HOXA11: variants seen among roughly 807,000 people sequenced by gnomAD.
HOXA11 encodes homeobox A11.
HOXA11 carries 8 observed loss-of-function variants against 22.5 expected under a neutral mutation model. The ratio of observed to expected loss-of-function variants is 0.36; its 90% CI spans 0.21 to 0.64. The LOEUF (loss-of-function observed/expected upper bound fraction) is 0.64, where lower values mean the gene tolerates loss of function less well. HOXA11 is among the 30% of genes least tolerant of loss of function. The pLI is 0.67. For synonymous variants in HOXA11, 211 were observed against 188.4 expected, an observed-to-expected ratio of 1.12 and a Z score of -0.98; for missense variants, 388 against 429.0, an observed-to-expected ratio of 0.90 and a Z score of 0.84.
chr7:27,182,769 C>A lies in HOXA11; in HGVS notation c.*27G>T, dbSNP rs868538518. On this transcript the variant is annotated 3_prime_UTR_variant, in exon 2 of 2. Transcript: ENST00000006015. Reference sequence around the variant, plus strand: ...CATATTATCTCATGTGTATGAAGCCCCCCACCCAATTCCAGCCGCTGGAGT... The same window carrying A: ...CATATTATCTCATGTGTATGAAGCCACCCACCCAATTCCAGCCGCTGGAGT... 2 of 1,384,468 alleles carry A rather than the reference C, an allele frequency of 1.4e-6. No homozygotes were observed. 85.8% of individuals were successfully genotyped at this position (1,384,468 alleles called of 1,614,324 possible). A position where few individuals can be genotyped will look rare whatever the true frequency, so the allele number is the denominator to read the frequency against.
chr7:27,181,496 A>C lies in HOXA11; in HGVS notation c.*1300T>G, dbSNP rs953771620. The C allele has an allele frequency of 1.0e-5, 2 of 195,826 alleles. No homozygotes were observed. The highest frequency in any genetic ancestry group is 2.1e-5 in the Non-Finnish European group (2 of 93,876). The allele number at this position is 195,826 out of a possible 1,614,324, so 12.1% of individuals were successfully genotyped here. On this transcript the variant is annotated 3_prime_UTR_variant, in exon 2 of 2. Transcript: ENST00000006015. Reference sequence around the variant, plus strand: ...TAATGGCAAAAGAAAAAAGAAAAAGAGAAAGAAAGAAAAGAAAATTGATTA... The same window carrying C: ...TAATGGCAAAAGAAAAAAGAAAAAGCGAAAGAAAGAAAAGAAAATTGATTA...
In HOXA11 at chr7:27,182,286, G is replaced by A. The variant is rs1478845831; in HGVS notation, c.*510C>T. 1 of 265,026 alleles carries A rather than the reference G, an allele frequency of 3.8e-6. No individual in the cohort carries two copies. The highest frequency in any genetic ancestry group is 7.3e-6 in the Non-Finnish European group (1 of 136,274). The allele number at this position is 265,026 out of a possible 1,614,324, so 16.4% of individuals were successfully genotyped here. A position where few individuals can be genotyped will look rare whatever the true frequency, so the allele number is the denominator to read the frequency against. On this transcript the variant is annotated 3_prime_UTR_variant, in exon 2 of 2. Transcript: ENST00000006015. The stretch of plus-strand genomic sequence containing the variant: ...TCTTCCACCTCAAAGCTACCTCCAA[G>A]TCCAGCCGCTGTTCACATTGGCTTT...
rs142922642 is a variant in HOXA11, at chr7:27,181,904, G to A, written c.*892C>T. On this transcript the variant is annotated 3_prime_UTR_variant, in exon 2 of 2. Coordinates refer to ENST00000006015, the MANE Select transcript of HOXA11 (RefSeq NM_005523.6). ...ACCTGCTGGCCAGGCCCACTGCTCT[G>A]CAGCCAGACACTGAGCAAATCCAAG... 9.6e-4 allele frequency: 215 copies of A among 223,558 alleles called. 1 individual carries two copies. Among genetic ancestry groups the A allele is most frequent in the Non-Finnish European group, 1.6e-3 (176 of 111,864 alleles). 13.8% of individuals were successfully genotyped at this position (223,558 alleles called of 1,614,324 possible).
Position 27,184,973 on chromosome 7 carries a change from G to T in HOXA11, c.172C>A (p.Arg58Ser), listed in dbSNP as rs753738371. ...SSNLPQVQPV[R>S]EVTFREYAIE... Reference sequence around the variant, plus strand: ...GCGTACTCTCTGAAGGTCACTTCGCGCACGGGTTGGACCTGGGGCAGGTTG... The same window carrying T: ...GCGTACTCTCTGAAGGTCACTTCGCTCACGGGTTGGACCTGGGGCAGGTTG... Residue 58 changes from arginine (R) to serine (S), a missense_variant, in exon 1 of 2, where the codon CGC (arginine) becomes AGC (serine). Arg to Ser is a moderately radical substitution (Grantham distance 110). Transcript: ENST00000006015. 1 of 1,613,972 alleles carries T rather than the reference G, an allele frequency of 6.2e-7. No individual in the cohort carries two copies. The highest frequency in any genetic ancestry group is 2.2e-5 in the East Asian group (1 of 44,862).
At position 27,182,143 on chromosome 7, in the gene HOXA11, A is replaced by T; in HGVS notation, c.*653T>A. 4.2e-6 allele frequency: 1 copy of T among 236,794 alleles called. No individual in the cohort carries two copies. The highest frequency in any genetic ancestry group is 1.7e-4 in the South Asian group (1 of 5,774). 14.7% of individuals were successfully genotyped at this position (236,794 alleles called of 1,614,324 possible). The stretch of plus-strand genomic sequence containing the variant: ...TAGAAAGAAAAGCCAGGTGGGCTGT[A>T]GGAGGCGGTGGCTAGGAACTCAGGG... On this transcript the variant is annotated 3_prime_UTR_variant, in exon 2 of 2. Transcript: ENST00000006015.
At position 27,182,931 on chromosome 7, in the gene HOXA11, C is replaced by G; in HGVS notation, c.807G>C (p.Glu269Asp). ...EFFFSVYINK[E>D]KRLQLSRMLN... ...GCATGCGGGACAGTTGCAGGCGCTT[C>G]TCTTTGTTAATGTAGACGCTGAAGA... Residue 269 changes from glutamate (E) to aspartate (D), a missense_variant, in exon 2 of 2, where the codon GAG (glutamate) becomes GAC (aspartate). Physicochemically the swap from Glu to Asp is conservative, Grantham distance 45. This residue lies in a region of HOXA11 where 55 missense variants were observed against 90.8 expected (regional missense o/e 0.61). Coordinates refer to ENST00000006015, the MANE Select transcript of HOXA11 (RefSeq NM_005523.6). 1.2e-6 allele frequency: 2 copies of G among 1,613,960 alleles called. No homozygotes were observed. Among genetic ancestry groups the G allele is most frequent in the Non-Finnish European group, 1.7e-6 (2 of 1,179,860 alleles).
intron 1 of HOXA11, 37 bp from the exon 2 acceptor site, chr7:27,183,065 T>G: frequency 1.4e-6 from 2 of 1,416,288 alleles, no homozygotes; most frequent in Non-Finnish European, 2.0e-6. Context: ...GAGCCAGGTG[T>G]GGGGGCTGCA....
chr7:27,184,399 C>T, intron 1 of HOXA11, 37 bp downstream of exon 1: 1 of 1,565,802 alleles, frequency 6.4e-7, no homozygotes, highest in Non-Finnish European at 8.7e-7. Context: ...TTCCAACTCC[C>T]CTTTCATAAA....
chr7:27,184,533 C>G lies in HOXA11; in HGVS notation c.612G>C (p.Ala204=). 1 of 1,500,860 alleles carries G rather than the reference C, an allele frequency of 6.7e-7. No homozygotes were observed. Among genetic ancestry groups the G allele is most frequent in the Non-Finnish European group, 8.9e-7 (1 of 1,122,004 alleles). 93.0% of individuals were successfully genotyped at this position (1,500,860 alleles called of 1,614,324 possible). The part of the protein sequence containing the change: ...SGGGGGCRET[A]AAAEEKERRR... ...GCCGCTCTTTCTCCTCTGCTGCCGCCGCCGTCTCCCGGCAGCCGCCGCCGC... is the reference window on the plus strand; with the variant it reads ...GCCGCTCTTTCTCCTCTGCTGCCGCGGCCGTCTCCCGGCAGCCGCCGCCGC... The change falls in exon 1 of 2, where the codon GCG becomes GCC. Residue 204 remains alanine, a synonymous_variant. Coordinates refer to ENST00000006015, the MANE Select transcript of HOXA11 (RefSeq NM_005523.6).
chr7:27,182,488 C>T lies in HOXA11; in HGVS notation c.*308G>A, dbSNP rs1583440113. Reference sequence around the variant, plus strand: ...TAGTCTCCAGGGGGTCTGGCAGGGGCCCAATCCCCAGTGGAGACCACACCC... The same window carrying T: ...TAGTCTCCAGGGGGTCTGGCAGGGGTCCAATCCCCAGTGGAGACCACACCC... On this transcript the variant is annotated 3_prime_UTR_variant, in exon 2 of 2. Transcript: ENST00000006015. 3 of 476,106 alleles carry T rather than the reference C, an allele frequency of 6.3e-6. No individual in the cohort carries two copies. The highest frequency in any genetic ancestry group is 7.7e-6 in the Non-Finnish European group (2 of 259,504). 29.5% of individuals were successfully genotyped at this position (476,106 alleles called of 1,614,324 possible). A position where few individuals can be genotyped will look rare whatever the true frequency, so the allele number is the denominator to read the frequency against.
At chr7:27,183,089 C>T in intron 1 of HOXA11, 61 bp from the exon 2 acceptor site, 1 of 1,160,614 alleles carries the variant, frequency 8.6e-7, no homozygotes, top group Non-Finnish European at 1.3e-6. Context: ...CACCCCAGAG[C>T]CCATAGCTGA....
Position 27,182,945 on chromosome 7 carries a change from A to G in HOXA11, c.793T>C (p.Tyr265His). ...ELEREFFFSV[Y>H]INKEKRLQLS... ...TGCAGGCGCTTCTCTTTGTTAATGTAGACGCTGAAGAAGAACTCCCGTTCC... is the reference window on the plus strand; with the variant it reads ...TGCAGGCGCTTCTCTTTGTTAATGTGGACGCTGAAGAAGAACTCCCGTTCC... Residue 265 changes from tyrosine to histidine, a missense_variant, in exon 2 of 2, where the codon TAC becomes CAC. Transcript: ENST00000006015. 1 of 1,614,064 alleles carries G rather than the reference A, an allele frequency of 6.2e-7. No individual in the cohort carries two copies. Among genetic ancestry groups the G allele is most frequent in the Non-Finnish European group, 8.5e-7 (1 of 1,179,948 alleles).
intron 1 of HOXA11, among the ~76,000 whole-genome samples, chr7:27,183,307 G>A (rs1460443683): frequency 1.3e-5 from 2 of 152,254 alleles, no homozygotes; most frequent in African/African-American, 4.8e-5. Context: ...ACAGCAACAG[G>A]CGAGTTTGCG....
At chr7:27,183,423 G>T (rs1192305126) in intron 1 of HOXA11, among the ~76,000 whole-genome samples, 1 of 152,196 alleles carries the variant, frequency 6.6e-6, no homozygotes, top group Admixed American at 6.5e-5. Context: ...CCAGCACCTG[G>T]GCTGCCCCTT....
Position 27,184,921 on chromosome 7 carries a change from G to A in HOXA11, c.224C>T (p.Pro75Leu). Reference sequence around the variant, plus strand: ...GTAGCAGTGGGCCAGATTGCCGCGGGGGTGCCATTTAGTGGCGGGCTCAAT... The same window carrying A: ...GTAGCAGTGGGCCAGATTGCCGCGGAGGTGCCATTTAGTGGCGGGCTCAAT... ...YAIEPATKWH[P>L]RGNLAHCYSA... Residue 75 changes from proline (P) to leucine (L), a missense_variant, in exon 1 of 2, where the codon CCC (proline) becomes CTC (leucine). Physicochemically the swap from Pro to Leu is moderately conservative, Grantham distance 98 (BLOSUM62 -3). This residue lies in a region of HOXA11 where 295 missense variants were observed against 281.1 expected (regional missense o/e 1.05). Transcript: ENST00000006015. 6.2e-7 allele frequency: 1 copy of A among 1,614,068 alleles called. No homozygotes were observed. Among genetic ancestry groups the A allele is most frequent in the Non-Finnish European group, 8.5e-7 (1 of 1,179,944 alleles).
Position 27,182,771 on chromosome 7 carries a change from C to T in HOXA11, c.*25G>A, listed in dbSNP as rs1309802100. On this transcript the variant is annotated 3_prime_UTR_variant, in exon 2 of 2. Coordinates refer to ENST00000006015, the MANE Select transcript of HOXA11 (RefSeq NM_005523.6). Reference sequence around the variant, plus strand: ...TATTATCTCATGTGTATGAAGCCCCCCACCCAATTCCAGCCGCTGGAGTCT... The same window carrying T: ...TATTATCTCATGTGTATGAAGCCCCTCACCCAATTCCAGCCGCTGGAGTCT... The T allele has an allele frequency of 2.1e-6, 3 of 1,402,472 alleles. No individual in the cohort carries two copies. The Admixed American group carries it at 5.0e-5, about 23-fold the overall frequency. The allele number at this position is 1,402,472 out of a possible 1,614,324, so 86.9% of individuals were successfully genotyped here. A position where few individuals can be genotyped will look rare whatever the true frequency, so the allele number is the denominator to read the frequency against.
intron 1 of HOXA11, among the ~76,000 whole-genome samples, chr7:27,183,603 C>T (rs1173154657): frequency 1.3e-5 from 2 of 152,282 alleles, no homozygotes; most frequent in Non-Finnish European, 1.5e-5. Context: ...GAGGTGGCGG[C>T]GGAAGCCCCC....
Position 27,182,474 on chromosome 7 carries a change from G to A in HOXA11, c.*322C>T. The A allele has an allele frequency of 2.1e-6, 1 of 466,368 alleles. No homozygotes were observed. Among genetic ancestry groups the A allele is most frequent in the South Asian group, 2.1e-5 (1 of 46,584 alleles). The allele number at this position is 466,368 out of a possible 1,614,324, so 28.9% of individuals were successfully genotyped here. A position where few individuals can be genotyped will look rare whatever the true frequency, so the allele number is the denominator to read the frequency against. ...GGGTGTGGTGGGGTTAGTCTCCAGG[G>A]GGTCTGGCAGGGGCCCAATCCCCAG... On this transcript the variant is annotated 3_prime_UTR_variant, in exon 2 of 2. Coordinates refer to ENST00000006015, the MANE Select transcript of HOXA11 (RefSeq NM_005523.6).
chr7:27,182,460 G>A lies in HOXA11; in HGVS notation c.*336C>T. Reference sequence around the variant, plus strand: ...TCCCAGTAGAGGGAGGGTGTGGTGGGGTTAGTCTCCAGGGGGTCTGGCAGG... The same window carrying A: ...TCCCAGTAGAGGGAGGGTGTGGTGGAGTTAGTCTCCAGGGGGTCTGGCAGG... On this transcript the variant is annotated 3_prime_UTR_variant, in exon 2 of 2. Coordinates refer to ENST00000006015, the MANE Select transcript of HOXA11 (RefSeq NM_005523.6). 3 of 454,680 alleles carry A rather than the reference G, an allele frequency of 6.6e-6. No individual in the cohort carries two copies. The East Asian group carries it at 1.2e-4, about 18-fold the overall frequency. The allele number at this position is 454,680 out of a possible 1,614,324, so 28.2% of individuals were successfully genotyped here. A position where few individuals can be genotyped will look rare whatever the true frequency, so the allele number is the denominator to read the frequency against.
Sources: gnomAD v4.1 joint callset for allele counts (sites outside exome capture counted in the v4.1 genomes callset) on GRCh38, gnomAD v4.1.1 for gene constraint, gnomAD v4.1.1 regional missense constraint, MANE v1.5 for transcripts, NCBI Gene and HGNC (gene_info 2026-07-23, HGNC 2026-07-21) for gene names.